AK9: variants seen among roughly 807,000 people sequenced by gnomAD.
AK9 encodes adenylate kinase domain containing 1.
AK9 carries 191 observed loss-of-function variants against 239.6 expected under a neutral mutation model. That is an observed-to-expected ratio of 0.80 (90% CI 0.71 to 0.90). The LOEUF (loss-of-function observed/expected upper bound fraction) is 0.90. Among genes scored for constraint, AK9 ranks in the 40% least tolerant of loss-of-function variants. The probability of loss-of-function intolerance (pLI) is 0.00; values close to 1 mark genes in which losing one functional copy is unlikely to be tolerated. For missense variants in AK9, 1,995 were observed against 2,214.7 expected, an observed-to-expected ratio of 0.90 and a Z score of 1.99; for synonymous variants, 689 against 721.0, an observed-to-expected ratio of 0.96 and a Z score of 0.71.
chr6:109,682,518 T>C (rs977780623), intron 1 of AK9, among the ~76,000 whole-genome samples: 1 of 148,512 alleles, frequency 6.7e-6, no homozygotes, highest in Non-Finnish European at 1.5e-5. Flanking sequence ...TAATAAAGAA[T>C]AAAAGACAGA....
intron 27 of AK9, among the ~76,000 whole-genome samples, chr6:109,534,517 C>G (rs1222303277): frequency 2.7e-5 from 4 of 150,310 alleles, no homozygotes; most frequent in Non-Finnish European, 4.4e-5. Flanking sequence ...ACAGTTTCAG[C>G]CTTCAAAGTT....
intron 17 of AK9, among the ~76,000 whole-genome samples, chr6:109,586,983 A>ATT (rs911894144): frequency 6.6e-6 from 1 of 150,830 alleles, no homozygotes; most frequent in Non-Finnish European, 1.5e-5. Context: ...CTGCTTTTTG[A>ATT]TTTTTTTTTA....
At chr6:109,593,386 A>AC (rs1296466102) in intron 17 of AK9, among the ~76,000 whole-genome samples, 1 of 151,988 alleles carries the variant, frequency 6.6e-6, no homozygotes, top group Non-Finnish European at 1.5e-5. Flanking sequence ...CCTACCAACC[A>AC]AAAAAAGCCC....
chr6:109,652,556 A>G (rs187726535), intron 8 of AK9, among the ~76,000 whole-genome samples: 90 of 152,332 alleles, frequency 5.9e-4, no homozygotes, highest in Admixed American at 2.1e-3. Flanking sequence ...TTATAAGATT[A>G]TGTACTGTGG....
intron 20 of AK9, among the ~76,000 whole-genome samples, chr6:109,575,073 A>C (rs1000374247): frequency 4.6e-5 from 7 of 151,920 alleles, no homozygotes; most frequent in African/African-American, 7.3e-5. Context: ...ATTCCATGGA[A>C]TATATATATA....
intron 10 of AK9, among the ~76,000 whole-genome samples, chr6:109,639,115 C>T (rs114958319): frequency 0.023 from 3,432 of 152,204 alleles, 119 homozygotes; most frequent in African/African-American, 0.078. Flanking sequence ...TAAACATAGG[C>T]GTGCATGTGT....
chr6:109,522,220 C>T lies in AK9; in HGVS notation c.3634-5578G>A, dbSNP rs528222407. ...ACAAGTAGGAGCTTCTCTTTATACC[C>T]GCCAATCTCAAATTTCATAAGGATG... On this transcript the variant is annotated intron_variant, in intron 29 of 40. Transcript: ENST00000424296. Among the ~76,000 whole-genome samples the T allele has an allele frequency of 6.6e-5, 10 of 152,114 alleles. No individual in the cohort carries two copies. The South Asian group carries it at 1.7e-3, about 25-fold the overall frequency.
intron 21 of AK9, among the ~76,000 whole-genome samples, chr6:109,572,752 T>C (rs1787585895): frequency 6.6e-6 from 1 of 152,196 alleles, no homozygotes; most frequent in Non-Finnish European, 1.5e-5. Flanking sequence ...GAAGACCTTT[T>C]AGTTTGTAGG....
At chr6:109,599,256 G>C (rs566622668) in intron 17 of AK9, among the ~76,000 whole-genome samples, 2 of 152,222 alleles carry the variant, frequency 1.3e-5, no homozygotes, top group African/African-American at 4.8e-5. Flanking sequence ...TTTGTATAAG[G>C]TGTAAGGAAG....
rs9386827 is a variant in AK9, at chr6:109,625,398, T to C, written c.1255-6162A>G. Among the ~76,000 whole-genome samples the C allele has an allele frequency of 3.9e-5, 6 of 152,300 alleles. No individual in the cohort carries two copies. In the East Asian group the frequency reaches 1.2e-3, roughly 29 times the overall value. On this transcript the variant is annotated intron_variant, in intron 12 of 40. Transcript: ENST00000424296. The stretch of plus-strand genomic sequence containing the variant: ...ATTTGTATCAATGTTTTATTCTATT[T>C]AACATATCAATTTTTCTGTGACTGC...
chr6:109,618,052 T>C (rs1794388076), intron 13 of AK9, among the ~76,000 whole-genome samples: 1 of 152,194 alleles, frequency 6.6e-6, no homozygotes, highest in African/African-American at 2.4e-5. Flanking sequence ...CACGAATGGC[T>C]ATTATTACTT....
At chr6:109,533,920 C>T (rs1264463127) in intron 27 of AK9, among the ~76,000 whole-genome samples, 1 of 152,080 alleles carries the variant, frequency 6.6e-6, no homozygotes, top group Admixed American at 6.6e-5. Flanking sequence ...GGTGCCCAGC[C>T]TAATGAATGT....
In AK9 at chr6:109,691,153, T is replaced by A. The variant is rs1011073774; in HGVS notation, c.-18A>T. 5.3e-6 allele frequency: 3 copies of A among 564,092 alleles called. No homozygotes were observed. In the African/African-American group the frequency reaches 5.6e-5, roughly 11 times the overall value. The allele number at this position is 564,092 out of a possible 1,614,324, so 34.9% of individuals were successfully genotyped here. A position where few individuals can be genotyped will look rare whatever the true frequency, so the allele number is the denominator to read the frequency against. On this transcript the variant is annotated 5_prime_UTR_variant, in exon 1 of 41. Coordinates refer to ENST00000424296, the MANE Select transcript of AK9 (RefSeq NM_001145128.3). The stretch of plus-strand genomic sequence containing the variant: ...GTTTTCCTCCAATCCTTACCAAAGA[T>A]GGTGCCCTTCGCTTCCTCTCTCGGC...
rs1320525507 is a variant in AK9 at position 109,573,523 on chromosome 6, C to T, written c.2263G>A (p.Glu755Lys). 11 of 1,551,360 alleles carry T rather than the reference C, an allele frequency of 7.1e-6. No individual in the cohort carries two copies. In the African/African-American group the frequency reaches 8.2e-5, roughly 12 times the overall value. ...GDELEVHEEP[E>K]ASHDTRGSWL... ...GACCCTCGGGTATCGTGAGATGCCT[C>T]AGGCTCTTCGTGAACTTCCAACTCA... is the stretch of plus-strand genomic sequence containing the variant. Residue 755 changes from glutamate (E) to lysine (K), a missense_variant, in exon 21 of 41, where the codon GAG (glutamate) becomes AAG (lysine). Physicochemically the swap from Glu to Lys is moderately conservative, Grantham distance 56. Around this residue, in one of 5 missense-constraint regions of AK9, gnomAD observed 1,290 missense variants for 1,392.7 expected, o/e 0.93. Coordinates refer to ENST00000424296, the MANE Select transcript of AK9 (RefSeq NM_001145128.3).
At chr6:109,505,933 G>A (rs539689846) in intron 35 of AK9, among the ~76,000 whole-genome samples, 2 of 152,282 alleles carry the variant, frequency 1.3e-5, no homozygotes, top group Admixed American at 6.5e-5. Flanking sequence ...GGTATCTGGA[G>A]AGGCACTGTT....
chr6:109,621,128 AAC>A (rs1389015327), intron 12 of AK9, among the ~76,000 whole-genome samples: 1 of 142,354 alleles, frequency 7.0e-6, no homozygotes, highest in Non-Finnish European at 1.5e-5. Flanking sequence ...GCAGCCAAAA[AAC>A]ACATGAAAAA....
chr6:109,519,406 G>A (rs1476143190), intron 29 of AK9, among the ~76,000 whole-genome samples: 1 of 152,176 alleles, frequency 6.6e-6, no homozygotes, highest in East Asian at 1.9e-4. Context: ...GCCTTCCACA[G>A]TGGCTCAGCT....
chr6:109,619,101 T>C lies in AK9; in HGVS notation c.1390A>G (p.Arg464Gly), dbSNP rs929081449. 1.9e-5 allele frequency: 29 copies of C among 1,537,178 alleles called. No individual in the cohort carries two copies. The highest frequency in any genetic ancestry group is 2.4e-5 in the Non-Finnish European group (28 of 1,142,914). Residue 464 changes from arginine to glycine, a missense_variant, in exon 13 of 41, where the codon AGA (arginine) becomes GGA (glycine). By Grantham distance (125) the Arg-to-Gly change is moderately radical. Coordinates refer to ENST00000424296, the MANE Select transcript of AK9 (RefSeq NM_001145128.3). ...KEKLLRELQA[R>G]KQAETALREF... ...TAAAAAGATGTTTCACCTTGTTTTC[T>C]AGCTTGCAGTTCCCTGAGAAGCTTT... is the stretch of plus-strand genomic sequence containing the variant.
chr6:109,519,519 G>C (rs890067420), intron 29 of AK9, among the ~76,000 whole-genome samples: 12 of 152,064 alleles, frequency 7.9e-5, no homozygotes, highest in Non-Finnish European at 1.5e-4. Context: ...TCTAGGTCAG[G>C]CATGGTGGTT....
Sources: allele counts gnomAD v4.1 joint callset (sites outside exome capture counted in the v4.1 genomes callset), GRCh38; gene constraint gnomAD v4.1.1; regional missense constraint gnomAD v4.1.1; transcripts MANE v1.5; gene names NCBI Gene and HGNC (gene_info 2026-07-23, HGNC 2026-07-21).